DAB1: variants seen among roughly 807,000 people sequenced by gnomAD.
The protein encoded by DAB1 is disabled homolog 1.
DAB1 carries 15 observed loss-of-function variants against 64.6 expected under a neutral mutation model. The observed-to-expected ratio is 0.23, with a 90% CI of 0.16 to 0.36. The LOEUF (loss-of-function observed/expected upper bound fraction) is 0.36. Ranked by LOEUF, DAB1 falls within the 10% of genes least tolerant of loss-of-function variation. The pLI is 1.00. For synonymous variants in DAB1, 235 were observed against 251.9 expected (o/e 0.93, Z 0.64); for missense variants, 596 against 706.7 (o/e 0.84, Z 1.78).
intron 5 of DAB1, among the ~76,000 whole-genome samples, chr1:57,919,988 A>T (rs1644785200): frequency 6.6e-6 from 1 of 152,200 alleles, no homozygotes. Context: ...ATCTGGATTT[A>T]TAGAGTTTAT....
chr1:57,690,097 TC>T (rs1646746030), intron 6 of DAB1, among the ~76,000 whole-genome samples: 1 of 152,192 alleles, frequency 6.6e-6, no homozygotes, highest in African/African-American at 2.4e-5. Context: ...TCACTCTTTT[TC>T]ATGGCTGAAT....
At chr1:57,071,684 T>C in intron 5 of DAB1, 43 bp from the exon 6 acceptor site, 2 of 1,576,278 alleles carry the variant, frequency 1.3e-6, no homozygotes, top group Non-Finnish European at 1.7e-6. Flanking sequence ...GGAATGGTAC[T>C]GAGACGCAGC....
chr1:57,170,523 C>T (rs1661644431), intron 2 of DAB1, among the ~76,000 whole-genome samples: 1 of 152,098 alleles, frequency 6.6e-6, no homozygotes, highest in African/African-American at 2.4e-5. Context: ...TGGTAGCAGA[C>T]CTGTCAGGTA....
At chr1:58,478,298 T>C (rs1247786709) in intron 3 of DAB1, among the ~76,000 whole-genome samples, 4 of 152,226 alleles carry the variant, frequency 2.6e-5, no homozygotes, top group Admixed American at 6.5e-5. Context: ...CCCAGCCATG[T>C]AGAACTGTGA....
At chr1:57,920,904 T>C (rs1644799028) in intron 5 of DAB1, among the ~76,000 whole-genome samples, 2 of 152,096 alleles carry the variant, frequency 1.3e-5, no homozygotes, top group Non-Finnish European at 2.9e-5. Context: ...ACAATTTAAA[T>C]ATACCCATCC....
At position 56,997,916 on chromosome 1, in the gene DAB1, A is replaced by G. The variant is rs1163787953; in HGVS notation, c.*228T>C. 1 of 152,478 alleles carries G rather than the reference A, an allele frequency of 6.6e-6. No individual in the cohort carries two copies. Among genetic ancestry groups the G allele is most frequent in the Non-Finnish European group, 1.5e-5 (1 of 68,038 alleles). The allele number at this position is 152,478 out of a possible 1,614,324, so 9.4% of individuals were successfully genotyped here. Reference sequence around the variant, plus strand: ...TTCTATACTTTTTTTGTGTGCTGCCATAGATATCTGCCATTGGTTGCCAAA... The same window carrying G: ...TTCTATACTTTTTTTGTGTGCTGCCGTAGATATCTGCCATTGGTTGCCAAA... On this transcript the variant is annotated 3_prime_UTR_variant, in exon 15 of 15. Coordinates refer to ENST00000371236, the MANE Select transcript of DAB1 (RefSeq NM_001365792.1).
Position 57,296,208 on chromosome 1 carries a change from A to C in DAB1, c.-136-5042T>G, listed in dbSNP as rs566158553. ...AAGAGATGTTAAAATAGGGAAAGGA[A>C]AGCAGGAAAGAATGCTAAAGTGATA... On this transcript the variant is annotated intron_variant, in intron 1 of 14. Transcript: ENST00000371236. 1.6e-4 allele frequency among the ~76,000 whole-genome samples: 24 copies of C among 152,312 alleles called. No homozygotes were observed. In the South Asian group the frequency reaches 4.1e-3, roughly 26 times the overall value.
intron 4 of DAB1, among the ~76,000 whole-genome samples, chr1:58,173,176 A>G (rs531876718): frequency 2.2e-4 from 34 of 152,332 alleles, no homozygotes; most frequent in Non-Finnish European, 1.3e-4. Context: ...GTATTCCCCA[A>G]CTGAAACAGA....
intron 7 of DAB1, among the ~76,000 whole-genome samples, chr1:57,476,532 C>G (rs1175037433): frequency 6.6e-6 from 1 of 152,130 alleles, no homozygotes; most frequent in African/African-American, 2.4e-5. Flanking sequence ...GTTTCTTCAT[C>G]TGTAAGATGG....
At chr1:58,058,765 T>C (rs939108263) in intron 5 of DAB1, among the ~76,000 whole-genome samples, 5 of 152,158 alleles carry the variant, frequency 3.3e-5, no homozygotes, top group African/African-American at 9.7e-5. Flanking sequence ...AGGTTTAAAG[T>C]AAAATAAATG....
chr1:58,073,246 G>A (rs1649385970), intron 5 of DAB1, among the ~76,000 whole-genome samples: 2 of 152,142 alleles, frequency 1.3e-5, no homozygotes, highest in Non-Finnish European at 2.9e-5. Flanking sequence ...CACATACTGT[G>A]TTGTCTGTCT....
intron 6 of DAB1, among the ~76,000 whole-genome samples, chr1:57,731,110 T>TA (rs1192719267): frequency 1.3e-5 from 2 of 152,344 alleles, no homozygotes; most frequent in East Asian, 3.9e-4. Context: ...AAATATTGCA[T>TA]AAGCATACAA....
intron 6 of DAB1, among the ~76,000 whole-genome samples, chr1:57,755,912 T>G (rs1378947145): frequency 1.3e-5 from 2 of 152,142 alleles, no homozygotes; most frequent in Non-Finnish European, 2.9e-5. Flanking sequence ...TAGGCCTTAC[T>G]TAAAACAAAT....
At chr1:58,285,219 G>A (rs1661655572) in intron 4 of DAB1, among the ~76,000 whole-genome samples, 1 of 152,180 alleles carries the variant, frequency 6.6e-6, no homozygotes, top group Non-Finnish European at 1.5e-5. Flanking sequence ...GCAAAAGCTG[G>A]AAGCATTCCC....
chr1:57,165,365 T>A lies in DAB1; in HGVS notation c.68-19936A>T, dbSNP rs994958879. 3.3e-5 allele frequency among the ~76,000 whole-genome samples: 5 copies of A among 152,288 alleles called. 1 individual carries two copies. The South Asian group carries it at 6.2e-4, about 19-fold the overall frequency. ...GGTCTATAAACATGATCTTAATACTTCTTAAACCATGGCAGCAAATTGCCT... is the reference window on the plus strand; with the variant it reads ...GGTCTATAAACATGATCTTAATACTACTTAAACCATGGCAGCAAATTGCCT... On this transcript the variant is annotated intron_variant, in intron 2 of 14. Coordinates refer to ENST00000371236, the MANE Select transcript of DAB1 (RefSeq NM_001365792.1).
At chr1:57,584,826 C>T (rs1187015148) in intron 7 of DAB1, among the ~76,000 whole-genome samples, 1 of 152,162 alleles carries the variant, frequency 6.6e-6, no homozygotes, top group African/African-American at 2.4e-5. Context: ...AGTTTCTCTA[C>T]CCCTTGTCAA....
At chr1:58,315,092 G>T (rs1026585967) in intron 4 of DAB1, among the ~76,000 whole-genome samples, 2 of 152,188 alleles carry the variant, frequency 1.3e-5, no homozygotes, top group Non-Finnish European at 2.9e-5. Flanking sequence ...TTTCTAATAA[G>T]TTTAGAAATT....
chr1:58,114,908 T>A (rs1382454535), intron 5 of DAB1, among the ~76,000 whole-genome samples: 1 of 152,164 alleles, frequency 6.6e-6, no homozygotes, highest in Non-Finnish European at 1.5e-5. Flanking sequence ...TTAAAAAAAA[T>A]TAATGTCACT....
chr1:57,120,611 C>T (rs1656552636), intron 4 of DAB1, among the ~76,000 whole-genome samples: 1 of 152,132 alleles, frequency 6.6e-6, no homozygotes, highest in Admixed American at 6.6e-5. Flanking sequence ...ATACTAACTC[C>T]CCATTCCCTC....
Sources: gnomAD v4.1 joint callset for allele counts (sites outside exome capture counted in the v4.1 genomes callset) on GRCh38, gnomAD v4.1.1 for gene constraint, MANE v1.5 for transcripts, NCBI Gene and HGNC (gene_info 2026-07-23, HGNC 2026-07-21) for gene names.